TENM1: variants seen among roughly 807,000 people sequenced by gnomAD.
The protein encoded by TENM1 is teneurin-1.
A neutral mutation model predicts 174.8 loss-of-function variants in TENM1; 35 were observed. That is an observed-to-expected ratio of 0.20 (90% CI 0.15 to 0.27). The LOEUF (loss-of-function observed/expected upper bound fraction) is 0.27, where lower values mean the gene tolerates loss of function less well. Ranked by LOEUF, TENM1 falls within the 10% of genes least tolerant of loss-of-function variation. The probability of loss-of-function intolerance (pLI) is 1.00; values close to 1 mark genes in which losing one functional copy is unlikely to be tolerated. For synonymous variants in TENM1, 781 were observed against 798.7 expected, an observed-to-expected ratio of 0.98 and a Z score of 0.37; for missense variants, 1,633 against 2,130.1, an observed-to-expected ratio of 0.77 and a Z score of 4.59.
chrX:124,958,605 A>G (rs1272430810), intron 1 of TENM1, among the ~76,000 whole-genome samples: 1 of 111,373 alleles, frequency 9.0e-6, no homozygotes, highest in East Asian at 2.8e-4. Flanking sequence ...TGACATAGGT[A>G]TGGAAGACAG....
the TENM1 span, among the ~76,000 whole-genome samples, chrX:125,050,160 T>A: frequency 1.8e-5 from 2 of 108,872 alleles, no homozygotes; most frequent in Non-Finnish European, 3.8e-5. Context: ...CTTTTTATTA[T>A]TATTATTATT....
At chrX:124,450,047 T>A (rs901385971) in intron 23 of TENM1, among the ~76,000 whole-genome samples, 6 of 110,363 alleles carry the variant, frequency 5.4e-5, no homozygotes, top group Non-Finnish European at 9.5e-5. Context: ...TTCCCACAGG[T>A]CGTGGGAGAA....
At chrX:124,417,227 G>C (rs1603258721) in intron 25 of TENM1, among the ~76,000 whole-genome samples, 1 of 106,214 alleles carries the variant, frequency 9.4e-6, no homozygotes, top group African/African-American at 3.5e-5. Flanking sequence ...CTTTTTTTTT[G>C]AAACAGAGTT....
chrX:124,648,890 G>A (rs769052383), intron 8 of TENM1, among the ~76,000 whole-genome samples: 13 of 111,842 alleles, frequency 1.2e-4, no homozygotes, highest in East Asian at 5.6e-4. Flanking sequence ...ATAAAAATCC[G>A]TACATCTTAT....
At chrX:124,523,364 C>T (rs777933987) in exon 17 of TENM1, 1 of 1,211,437 alleles carries the variant, frequency 8.3e-7, no homozygotes, top group Admixed American at 2.2e-5. Context: ...ATATACTCAC[C>T]TGCAGCTCAG....
At chrX:124,382,580 C>A in intron 31 of TENM1, 90 bp downstream of exon 34, 1 of 885,774 alleles carries the variant, frequency 1.1e-6, no homozygotes, top group Non-Finnish European at 1.6e-6. Context: ...ACTAAAAAAT[C>A]AGTAAGCAAA....
chrX:125,188,060 G>T, the TENM1 span, among the ~76,000 whole-genome samples: 3 of 111,255 alleles, frequency 2.7e-5, no homozygotes, highest in Non-Finnish European at 5.7e-5. Context: ...GCCACACAGG[G>T]TGGCTCACAC....
chrX:124,490,315 C>T (rs1012496128), intron 20 of TENM1, among the ~76,000 whole-genome samples: 2 of 111,486 alleles, frequency 1.8e-5, no homozygotes, highest in Admixed American at 9.5e-5. Context: ...TTCATCTACA[C>T]GTAGTGTTTC....
chrX:124,812,188 T>G (rs1462494080), intron 3 of TENM1, among the ~76,000 whole-genome samples: 1 of 111,166 alleles, frequency 9.0e-6, no homozygotes, highest in Non-Finnish European at 1.9e-5. Context: ...TGTGGGGTAA[T>G]GCATATGTTA....
intron 3 of TENM1, among the ~76,000 whole-genome samples, chrX:124,777,478 C>T (rs1333161190): frequency 9.0e-6 from 1 of 111,671 alleles, no homozygotes; most frequent in Non-Finnish European, 1.9e-5. Context: ...CTCAGCTTAC[C>T]ATTGGCCTTT....
At chrX:125,007,257 C>A in the TENM1 span, among the ~76,000 whole-genome samples, 1 of 109,476 alleles carries the variant, frequency 9.1e-6, no homozygotes. Context: ...CCGGACTGAT[C>A]AAGTGGAAGA....
chrX:124,769,951 T>C (rs1385167357), intron 3 of TENM1, among the ~76,000 whole-genome samples: 1 of 111,573 alleles, frequency 9.0e-6, no homozygotes, highest in Non-Finnish European at 1.9e-5. Context: ...ATGAAAGGAC[T>C]GAGGAGGGCC....
intron 5 of TENM1, among the ~76,000 whole-genome samples, chrX:124,675,347 A>C (rs1208982565): frequency 9.0e-6 from 1 of 111,044 alleles, no homozygotes; most frequent in Non-Finnish European, 1.9e-5. Context: ...CAGTGTGTAC[A>C]CACTGGCTGA....
chrX:124,607,821 T>C (rs940028273), intron 11 of TENM1, among the ~76,000 whole-genome samples: 3 of 110,176 alleles, frequency 2.7e-5, no homozygotes. Context: ...ATAATACAGG[T>C]GAGAGGTGAT....
chrX:124,875,992 T>C (rs1240622517), intron 3 of TENM1, among the ~76,000 whole-genome samples: 2 of 110,191 alleles, frequency 1.8e-5, no homozygotes, highest in African/African-American at 6.6e-5. Context: ...TTTGTATGTA[T>C]GTCTATCAAA....
chrX:124,883,738 G>A (rs770737696), intron 3 of TENM1, among the ~76,000 whole-genome samples: 9 of 111,902 alleles, frequency 8.0e-5, no homozygotes, highest in African/African-American at 2.0e-4. Flanking sequence ...TCCCAGGTCT[G>A]TAGGTGGTGC....
chrX:125,015,845 C>T, the TENM1 span, among the ~76,000 whole-genome samples: 2 of 111,358 alleles, frequency 1.8e-5, no homozygotes, highest in Admixed American at 9.6e-5. Flanking sequence ...TATTTAACTC[C>T]TTTGGGCCTC....
intron 11 of TENM1, among the ~76,000 whole-genome samples, chrX:124,634,983 T>C (rs1210327402): frequency 8.9e-6 from 1 of 111,808 alleles, no homozygotes; most frequent in Non-Finnish European, 1.9e-5. Flanking sequence ...TGTATCTCCA[T>C]ACATAAAGGG....
intron 22 of TENM1, among the ~76,000 whole-genome samples, chrX:124,471,222 T>TATATAGTACTATATATTATA (rs1569533411): frequency 7.1e-4 from 17 of 24,045 alleles, no homozygotes; most frequent in East Asian, 3.2e-3. Flanking sequence ...TATATTATAA[T>TATATAGTACTATATATTATA]ATATAGTACT....
Sources: allele counts gnomAD v4.1 joint callset (sites outside exome capture counted in the v4.1 genomes callset), GRCh38; gene constraint gnomAD v4.1.1; transcripts MANE v1.5; gene names NCBI Gene and HGNC (gene_info 2026-07-23, HGNC 2026-07-21).